The following ZNF385D variants were observed in gnomAD, a reference collection of about 807,000 sequenced individuals.
The protein encoded by ZNF385D is zinc finger protein 659.
ZNF385D carries 15 observed loss-of-function variants against 35.8 expected under a neutral mutation model. The observed-to-expected ratio is 0.42, with a 90% CI of 0.28 to 0.64. The LOEUF is 0.64. Ranked by LOEUF, ZNF385D falls within the 30% of genes least tolerant of loss-of-function variation. The pLI is 0.23. For synonymous variants in ZNF385D, 212 were observed against 186.8 expected, an observed-to-expected ratio of 1.13 and a Z score of -1.10; for missense variants, 474 against 494.6, an observed-to-expected ratio of 0.96 and a Z score of 0.39.
At chr3:22,098,196 T>A (rs970934205) in intron 3 of ZNF385D, among the ~76,000 whole-genome samples, 4 of 152,028 alleles carry the variant, frequency 2.6e-5, no homozygotes, top group African/African-American at 4.8e-5. Flanking sequence ...CAATAAAATA[T>A]CACGTGATTT....
At chr3:21,469,246 C>A (rs548585825) in intron 4 of ZNF385D, among the ~76,000 whole-genome samples, 1 of 152,270 alleles carries the variant, frequency 6.6e-6, no homozygotes, top group African/African-American at 2.4e-5. Context: ...GTAAATGGAA[C>A]ATGAGAGGAG....
At chr3:22,127,651 CT>C (rs1475004839) in intron 3 of ZNF385D, among the ~76,000 whole-genome samples, 5 of 151,794 alleles carry the variant, frequency 3.3e-5, no homozygotes, top group African/African-American at 1.2e-4. Flanking sequence ...TAAATGTTTT[CT>C]TGATTTGAAA....
intron 3 of ZNF385D, among the ~76,000 whole-genome samples, chr3:22,116,430 A>G (rs758375378): frequency 7.2e-5 from 11 of 152,084 alleles, no homozygotes; most frequent in Non-Finnish European, 1.2e-4. Context: ...GCATGAATGA[A>G]TGCATTCTGT....
At chr3:22,305,989 A>G (rs1432760016) in intron 2 of ZNF385D, among the ~76,000 whole-genome samples, 2 of 152,156 alleles carry the variant, frequency 1.3e-5, no homozygotes, top group Non-Finnish European at 2.9e-5. Flanking sequence ...AGGTTTTCCT[A>G]TCACTCCTTT....
At chr3:21,978,057 C>T (rs1459005403) in intron 3 of ZNF385D, among the ~76,000 whole-genome samples, 3 of 152,160 alleles carry the variant, frequency 2.0e-5, no homozygotes, top group African/African-American at 7.2e-5. Flanking sequence ...CATAAATAAA[C>T]AATATATCAG....
intron 3 of ZNF385D, among the ~76,000 whole-genome samples, chr3:22,130,377 A>C (rs1330356156): frequency 6.6e-6 from 1 of 152,144 alleles, no homozygotes; most frequent in African/African-American, 2.4e-5. Context: ...CCCAGGAATT[A>C]ATTACAATCC....
At chr3:22,182,015 C>G (rs1169659243) in intron 2 of ZNF385D, among the ~76,000 whole-genome samples, 1 of 151,994 alleles carries the variant, frequency 6.6e-6, no homozygotes, top group Non-Finnish European at 1.5e-5. Flanking sequence ...GAGGTGGTTC[C>G]TTCCCCAGTT....
chr3:21,767,774 C>A (rs2335431), intron 3 of ZNF385D, among the ~76,000 whole-genome samples: 142,984 of 152,118 alleles, frequency 0.94, 67,221 homozygotes, highest in East Asian at 0.98. Context: ...TGGTAGTTGA[C>A]AATATTTAGA....
At chr3:21,660,240 A>C (rs1051552331) in intron 2 of ZNF385D, among the ~76,000 whole-genome samples, 1 of 152,264 alleles carries the variant, frequency 6.6e-6, no homozygotes, top group Middle Eastern at 3.4e-3. Context: ...TTACATTTTT[A>C]ATGTTAAAGA....
intron 2 of ZNF385D, among the ~76,000 whole-genome samples, chr3:22,281,201 T>A (rs760314941): frequency 1.3e-5 from 2 of 152,098 alleles, no homozygotes; most frequent in Non-Finnish European, 2.9e-5. Flanking sequence ...TTTGACTTCC[T>A]CTTTATCAGT....
intron 2 of ZNF385D, among the ~76,000 whole-genome samples, chr3:22,193,025 A>G (rs1173801830): frequency 2.0e-5 from 3 of 152,190 alleles, no homozygotes; most frequent in Non-Finnish European, 2.9e-5. Flanking sequence ...CACGGTTCCT[A>G]GTTTCATATA....
At chr3:21,967,466 A>G (rs1003853038) in intron 3 of ZNF385D, among the ~76,000 whole-genome samples, 3 of 152,182 alleles carry the variant, frequency 2.0e-5, no homozygotes, top group African/African-American at 7.2e-5. Context: ...AAATATCTTG[A>G]TGAAATTTTA....
chr3:21,504,927 G>A (rs1314673922), intron 4 of ZNF385D, among the ~76,000 whole-genome samples: 1 of 152,136 alleles, frequency 6.6e-6, no homozygotes, highest in African/African-American at 2.4e-5. Context: ...CAAGACACAG[G>A]TGTGGAGGCA....
intron 3 of ZNF385D, among the ~76,000 whole-genome samples, chr3:21,759,946 G>A (rs1428574862): frequency 1.3e-5 from 2 of 152,106 alleles, no homozygotes; most frequent in Admixed American, 1.3e-4. Context: ...AATTCACAAA[G>A]TAATTGAAAG....
chr3:21,724,067 G>A (rs983868702), intron 1 of ZNF385D, among the ~76,000 whole-genome samples: 1 of 152,036 alleles, frequency 6.6e-6, no homozygotes, highest in Admixed American at 6.6e-5. Flanking sequence ...ATAAGCAAAG[G>A]AGAAATAAAA....
chr3:21,614,662 C>G (rs895991340), intron 2 of ZNF385D, among the ~76,000 whole-genome samples: 1 of 152,198 alleles, frequency 6.6e-6, no homozygotes, highest in Admixed American at 6.5e-5. Flanking sequence ...GATCTCGGCT[C>G]ACTACAACCT....
At chr3:21,490,916 G>C (rs1705385001) in intron 4 of ZNF385D, among the ~76,000 whole-genome samples, 1 of 122,804 alleles carries the variant, frequency 8.1e-6, no homozygotes, top group South Asian at 3.1e-4. Flanking sequence ...CCACTCAGCT[G>C]GTCATCGGCT....
chr3:22,158,797 T>C (rs1471268859), intron 3 of ZNF385D, among the ~76,000 whole-genome samples: 1 of 103,038 alleles, frequency 9.7e-6, no homozygotes, highest in Admixed American at 9.3e-5. Context: ...AGAAGCCAGT[T>C]TCAAAAGGGT....
intron 2 of ZNF385D, among the ~76,000 whole-genome samples, chr3:22,237,865 A>G (rs1163003786): frequency 7.0e-6 from 1 of 143,350 alleles, no homozygotes; most frequent in African/African-American, 2.7e-5. Flanking sequence ...GATGGTCTCG[A>G]TCTCCTGATC....
Sources: allele counts gnomAD v4.1 joint callset (sites outside exome capture counted in the v4.1 genomes callset), GRCh38; gene constraint gnomAD v4.1.1; transcripts MANE v1.5; gene names NCBI Gene and HGNC (gene_info 2026-07-23, HGNC 2026-07-21).